The following RALY variants were observed in gnomAD, a reference collection of about 807,000 sequenced individuals.
RALY encodes RNA-binding protein Raly.
RALY carries 15 observed loss-of-function variants against 30.7 expected under a neutral mutation model. The ratio of observed to expected loss-of-function variants is 0.49; its 90% CI spans 0.33 to 0.75. The LOEUF (loss-of-function observed/expected upper bound fraction) is 0.75. RALY is among the 30% of genes least tolerant of loss of function. The pLI is 0.02. For missense variants in RALY, 339 were observed against 414.3 expected (o/e 0.82, Z 1.58); for synonymous variants, 177 against 170.8 (o/e 1.04, Z -0.28).
chr20:34,049,634 T>G (rs1417519524), intron 2 of RALY, among the ~76,000 whole-genome samples: 2 of 152,242 alleles, frequency 1.3e-5, no homozygotes, highest in Non-Finnish European at 2.9e-5. Flanking sequence ...AACTTTGTAA[T>G]GATTGGCGTT....
At chr20:34,012,614 C>T (rs2031450653) in intron 1 of RALY, among the ~76,000 whole-genome samples, 1 of 152,144 alleles carries the variant, frequency 6.6e-6, no homozygotes, top group Non-Finnish European at 1.5e-5. Context: ...GGGATTGAAC[C>T]TGTTTTCTGT....
chr20:34,029,388 A>T (rs1341881254), intron 1 of RALY, among the ~76,000 whole-genome samples: 1 of 151,088 alleles, frequency 6.6e-6, no homozygotes, highest in Non-Finnish European at 1.5e-5. Context: ...CAGTGAGCCA[A>T]GATCGCGCCA....
At chr20:34,014,532 T>C (rs548679529) in intron 1 of RALY, among the ~76,000 whole-genome samples, 1 of 152,354 alleles carries the variant, frequency 6.6e-6, no homozygotes, top group Non-Finnish European at 1.5e-5. Context: ...GGTGAAATAA[T>C]GCATTTAAAT....
intron 1 of RALY, among the ~76,000 whole-genome samples, chr20:34,000,289 T>G (rs2284378): frequency 6.6e-6 from 1 of 151,752 alleles, no homozygotes; most frequent in Non-Finnish European, 1.5e-5. Flanking sequence ...TGGACTAAGG[T>G]CCTTTCTTTT....
chr20:34,056,406 C>CCTGT (rs1268276219), intron 2 of RALY, among the ~76,000 whole-genome samples: 3 of 152,152 alleles, frequency 2.0e-5, no homozygotes, highest in African/African-American at 7.2e-5. Context: ...CCTAGTTGCT[C>CCTGT]CTGTCATAGA....
intron 2 of RALY, among the ~76,000 whole-genome samples, chr20:34,044,083 T>C (rs2032793254): frequency 6.6e-6 from 1 of 151,966 alleles, no homozygotes; most frequent in African/African-American, 2.4e-5. Context: ...CAGAAGCTTA[T>C]GTGGGTGTTT....
chr20:34,048,099 T>G (rs1357201864), intron 2 of RALY, among the ~76,000 whole-genome samples: 1 of 152,216 alleles, frequency 6.6e-6, no homozygotes, highest in Non-Finnish European at 1.5e-5. Flanking sequence ...ACAAAAGGCT[T>G]CTTCTCTCTG....
intron 1 of RALY, among the ~76,000 whole-genome samples, chr20:33,997,095 C>A (rs2030671173): frequency 1.3e-5 from 2 of 152,148 alleles, no homozygotes; most frequent in East Asian, 1.9e-4. Flanking sequence ...GCTGGCCCCC[C>A]AGTATCTGCA....
intron 6 of RALY, among the ~76,000 whole-genome samples, chr20:34,076,399 G>A (rs1420327978): frequency 6.6e-6 from 1 of 152,180 alleles, no homozygotes; most frequent in African/African-American, 2.4e-5. Context: ...AAAGACACAT[G>A]TTCTTGCTCA....
chr20:34,025,899 G>GTTTTTTTTTTTTTTTTTT (rs35827160), intron 1 of RALY, among the ~76,000 whole-genome samples: 8 of 75,906 alleles, frequency 1.1e-4, no homozygotes, highest in Non-Finnish European at 1.7e-4. Flanking sequence ...ATTCCTGGTT[G>GTTTTTTTTTTTTTTTTTT]TTTTTTTTTT....
intron 2 of RALY, among the ~76,000 whole-genome samples, chr20:34,040,928 T>G (rs1197280010): frequency 6.6e-6 from 1 of 152,140 alleles, no homozygotes; most frequent in African/African-American, 2.4e-5. Flanking sequence ...GGTAGAGTGT[T>G]TGGGAGTACC....
chr20:33,994,851 C>T (rs1232430457), intron 1 of RALY, among the ~76,000 whole-genome samples: 3 of 152,190 alleles, frequency 2.0e-5, no homozygotes, highest in African/African-American at 7.2e-5. Context: ...TTTAATGAGA[C>T]TTCACCCAGG....
At chr20:34,052,014 G>A (rs556004989) in intron 2 of RALY, among the ~76,000 whole-genome samples, 155 of 152,324 alleles carry the variant, frequency 1.0e-3, no homozygotes, top group African/African-American at 3.6e-3. Flanking sequence ...GGGAAGCAGG[G>A]TGCTCCAGGC....
At chr20:34,077,314 A>G in intron 8 of RALY, 69 bp downstream of exon 8, 7 of 1,594,918 alleles carry the variant, frequency 4.4e-6, no homozygotes, top group Non-Finnish European at 6.0e-6. Context: ...CAACAGGGGA[A>G]TGGGCAGCCT....
chr20:33,999,433 A>G (rs2030806049), intron 1 of RALY, among the ~76,000 whole-genome samples: 1 of 152,178 alleles, frequency 6.6e-6, no homozygotes, highest in African/African-American at 2.4e-5. Context: ...GTTCCTGGCT[A>G]AACTGGATGA....
At chr20:34,077,307 CAG>C (rs980962532) in intron 8 of RALY, 62 bp downstream of exon 8, 56 of 1,600,506 alleles carry the variant, frequency 3.5e-5, no homozygotes, top group African/African-American at 1.9e-4. Flanking sequence ...AGGAGGCCAA[CAG>C]GGGAATGGGC....
chr20:34,029,256 G>A (rs1601437018), intron 1 of RALY, among the ~76,000 whole-genome samples: 1 of 152,030 alleles, frequency 6.6e-6, no homozygotes, highest in African/African-American at 2.4e-5. Flanking sequence ...TGACTAACAT[G>A]AAGAAACCCC....
In RALY at chr20:34,077,016, C is replaced by T. The variant is rs1206294611; in HGVS notation, c.659-12C>T. On this transcript the variant is annotated splice_polypyrimidine_tract_variant and intron_variant, in intron 7 of 9. Coordinates refer to ENST00000246194, the MANE Select transcript of RALY (RefSeq NM_016732.3). ...AGTTTTATTCTCCCCTCCTCCACCCCTTCCCCTCAAGATGGCAAGAAGAAG... is the reference window on the plus strand; with the variant it reads ...AGTTTTATTCTCCCCTCCTCCACCCTTTCCCCTCAAGATGGCAAGAAGAAG... The T allele has an allele frequency of 6.2e-7, 1 of 1,610,508 alleles. No individual in the cohort carries two copies. Among genetic ancestry groups the T allele is most frequent in the Non-Finnish European group, 8.5e-7 (1 of 1,178,938 alleles).
At chr20:34,062,480 A>G (rs2033446007) in intron 2 of RALY, among the ~76,000 whole-genome samples, 1 of 152,188 alleles carries the variant, frequency 6.6e-6, no homozygotes. Flanking sequence ...GGATAACACA[A>G]ATTAAGGGGT....
Sources: gnomAD v4.1 joint callset for allele counts (sites outside exome capture counted in the v4.1 genomes callset) on GRCh38, gnomAD v4.1.1 for gene constraint, MANE v1.5 for transcripts, NCBI Gene and HGNC (gene_info 2026-07-23, HGNC 2026-07-21) for gene names.